The following SHANK2 variants were observed in gnomAD, a reference collection of about 807,000 sequenced individuals.
SHANK2 encodes the protein SH3 and multiple ankyrin repeat domains 2, also known as SH3 and multiple ankyrin repeat domains protein 2.
In SHANK2, 43 loss-of-function variants were observed where a neutral mutation model predicts 133.7. That is an observed-to-expected ratio of 0.32 (90% confidence interval 0.25 to 0.41). The LOEUF is 0.41. Ranked by LOEUF, SHANK2 falls within the 10% of genes least tolerant of loss-of-function variation. The probability of loss-of-function intolerance (pLI) is 1.00; values close to 1 mark genes in which losing one functional copy is unlikely to be tolerated. For synonymous variants in SHANK2, 1,017 were observed against 952.8 expected (o/e 1.07, Z -1.24); for missense variants, 1,994 against 2,235.8 (o/e 0.89, Z 2.18).
At chr11:70,734,980 C>A (rs940628282) in intron 14 of SHANK2, among the ~76,000 whole-genome samples, 1 of 152,194 alleles carries the variant, frequency 6.6e-6, no homozygotes, top group Non-Finnish European at 1.5e-5. Context: ...TGGAGACGAG[C>A]GGGCCCAGGC....
At chr11:71,171,737 C>T (rs978838327) in intron 2 of SHANK2, among the ~76,000 whole-genome samples, 6 of 152,170 alleles carry the variant, frequency 3.9e-5, no homozygotes, top group Admixed American at 6.5e-5. Context: ...AACACTTTAC[C>T]GGGTTCCCAG....
intron 14 of SHANK2, among the ~76,000 whole-genome samples, chr11:70,758,039 C>T (rs1555039334): frequency 6.6e-6 from 1 of 152,176 alleles, no homozygotes; most frequent in East Asian, 1.9e-4. Flanking sequence ...TGACCGCATC[C>T]ACCTTTAAAC....
intron 17 of SHANK2, among the ~76,000 whole-genome samples, chr11:70,517,445 A>G (rs2059279449): frequency 6.6e-6 from 1 of 152,228 alleles, no homozygotes; most frequent in Non-Finnish European, 1.5e-5. Flanking sequence ...ATAATTGCCA[A>G]ACTTGGAAGC....
At chr11:71,137,096 C>T (rs1286890408) in intron 3 of SHANK2, among the ~76,000 whole-genome samples, 1 of 152,080 alleles carries the variant, frequency 6.6e-6, no homozygotes, top group Admixed American at 6.5e-5. Flanking sequence ...CTCCTGACCT[C>T]AGGTGATCCA....
chr11:70,656,611 C>A (rs560129589), intron 17 of SHANK2, among the ~76,000 whole-genome samples: 1 of 152,302 alleles, frequency 6.6e-6, no homozygotes, highest in East Asian at 1.9e-4. Context: ...TTCCGGCACA[C>A]TAGCTGATCT....
At chr11:71,118,241 G>A (rs1253952171) in intron 4 of SHANK2, among the ~76,000 whole-genome samples, 3 of 152,078 alleles carry the variant, frequency 2.0e-5, no homozygotes, top group Admixed American at 6.6e-5. Context: ...AAAAAAAAAT[G>A]TATAAAAGTT....
At chr11:70,839,407 C>T (rs1948870020) in intron 11 of SHANK2, among the ~76,000 whole-genome samples, 1 of 152,186 alleles carries the variant, frequency 6.6e-6, no homozygotes, top group South Asian at 2.1e-4. Context: ...GCAGTCTCCC[C>T]AGGTCTGGAG....
At chr11:70,796,537 G>A (rs2135209761) in intron 14 of SHANK2, among the ~76,000 whole-genome samples, 1 of 152,222 alleles carries the variant, frequency 6.6e-6, no homozygotes, top group East Asian at 1.9e-4. Context: ...GAGAAGGAAG[G>A]CATTGAGCAA....
intron 12 of SHANK2, among the ~76,000 whole-genome samples, chr11:70,813,527 G>C (rs1422457555): frequency 6.6e-6 from 1 of 151,976 alleles, no homozygotes; most frequent in Non-Finnish European, 1.5e-5. Flanking sequence ...GTTTCAAGAG[G>C]CACAATCACC....
intron 14 of SHANK2, among the ~76,000 whole-genome samples, chr11:70,785,654 GTTCC>G (rs1555046302): frequency 2.5e-4 from 38 of 152,210 alleles, no homozygotes; most frequent in Non-Finnish European, 4.3e-4. Flanking sequence ...TCTAGAGGGT[GTTCC>G]AGGTGGCCGG....
rs930602947 is a variant in SHANK2 at position 70,875,519 on chromosome 11, G to A, written c.1174+20982C>T. 8.7e-4 allele frequency among the ~76,000 whole-genome samples: 93 copies of A among 106,450 alleles called. 3 individuals carry two copies. The highest frequency in any genetic ancestry group is 4.6e-3 in the Admixed American group (44 of 9,504). 69.8% of individuals were successfully genotyped at this position (106,450 alleles called of 152,430 possible). A position where few individuals can be genotyped will look rare whatever the true frequency, so the allele number is the denominator to read the frequency against. On this transcript the variant is annotated intron_variant, in intron 11 of 25. Coordinates refer to ENST00000601538, the MANE Select transcript of SHANK2 (RefSeq NM_012309.5). ...AGCCTGGGAGACAGAGTGAGACTCC[G>A]TCTCAAACAACAACAACAACAACAA...
chr11:71,139,187 G>C (rs1952504901), intron 3 of SHANK2, among the ~76,000 whole-genome samples: 1 of 152,170 alleles, frequency 6.6e-6, no homozygotes, highest in African/African-American at 2.4e-5. Context: ...GCAAGGATCA[G>C]CCCTCAGAGT....
intron 8 of SHANK2, among the ~76,000 whole-genome samples, chr11:71,091,724 C>T (rs782531044): frequency 9.9e-5 from 15 of 152,108 alleles, no homozygotes; most frequent in Non-Finnish European, 2.1e-4. Context: ...CTGAGTCCTC[C>T]CTGACATGGG....
intron 17 of SHANK2, among the ~76,000 whole-genome samples, chr11:70,534,027 C>T (rs2059512821): frequency 6.6e-6 from 1 of 152,208 alleles, no homozygotes; most frequent in African/African-American, 2.4e-5. Context: ...CTGAGCTCAT[C>T]CCAGCCCAGT....
intron 14 of SHANK2, among the ~76,000 whole-genome samples, chr11:70,743,310 C>G (rs1330304224): frequency 6.6e-6 from 1 of 152,072 alleles, no homozygotes; most frequent in Non-Finnish European, 1.5e-5. Context: ...GAGGTGGGGG[C>G]TTTGGGAGGT....
At chr11:70,861,482 C>T (rs1400369894) in intron 11 of SHANK2, among the ~76,000 whole-genome samples, 6 of 152,208 alleles carry the variant, frequency 3.9e-5, no homozygotes, top group Non-Finnish European at 4.4e-5. Flanking sequence ...CCTACCTGCA[C>T]CTGAACTTGC....
In SHANK2 at chr11:70,487,211, A is replaced by C. The variant is rs782100733; in HGVS notation, c.3082T>G (p.Ser1028Ala). The C allele has an allele frequency of 1.5e-5, 25 of 1,613,898 alleles. No individual in the cohort carries two copies. Among genetic ancestry groups the C allele is most frequent in the Non-Finnish European group, 1.7e-5 (20 of 1,180,004 alleles). Residue 1028 changes from serine to alanine, a missense_variant, in exon 25 of 26, where the codon TCC becomes GCC. Around this residue, in one of 5 missense-constraint regions of SHANK2, gnomAD observed 488 missense variants for 642.6 expected, o/e 0.76. Coordinates refer to ENST00000601538, the MANE Select transcript of SHANK2 (RefSeq NM_012309.5). The surrounding 1 kb of genome is among the most constrained non-coding windows in gnomAD (Gnocchi z 5.8). ...ACGATGATGGTCGGGATAGGGATGG[A>C]GCACGTCTTCTCGGGGCTGTCCTCC... is the stretch of plus-strand genomic sequence containing the variant. Reference protein sequence around the residue: ...NVEDSPEKTCSIPIPTIIVKE... With the variant: ...NVEDSPEKTCAIPIPTIIVKE...
At chr11:70,636,079 C>T (rs782227982) in intron 17 of SHANK2, among the ~76,000 whole-genome samples, 2 of 152,286 alleles carry the variant, frequency 1.3e-5, no homozygotes, top group Non-Finnish European at 2.9e-5. Flanking sequence ...CTTCAGGTCT[C>T]AGCCTAAATC....
At chr11:70,553,736 C>G (rs138921191) in intron 17 of SHANK2, among the ~76,000 whole-genome samples, 75 of 152,370 alleles carry the variant, frequency 4.9e-4, no homozygotes, top group African/African-American at 1.8e-3. Context: ...CAGAGGTTTG[C>G]TTCTGCCCTG....
Sources: gnomAD v4.1 joint callset for allele counts (sites outside exome capture counted in the v4.1 genomes callset) on GRCh38, gnomAD v4.1.1 for gene constraint, gnomAD v4.1.1 regional missense constraint, Gnocchi (gnomAD v3.1) non-coding constraint, MANE v1.5 for transcripts, NCBI Gene and HGNC (gene_info 2026-07-23, HGNC 2026-07-21) for gene names.